Variants in RNF38 observed in about 807,000 individuals in gnomAD.
RNF38 encodes the protein ring finger protein 38.
Under a neutral mutation model 67.2 loss-of-function variants are expected in RNF38, and 15 were observed. The observed-to-expected ratio is 0.22, with a 90% CI of 0.15 to 0.34. The LOEUF (loss-of-function observed/expected upper bound fraction) is 0.34, where lower values mean the gene tolerates loss of function less well. Among genes scored for constraint, RNF38 ranks in the 10% least tolerant of loss-of-function variants. The pLI is 1.00. For synonymous variants in RNF38, 220 were observed against 218.8 expected (o/e 1.01, Z -0.05); for missense variants, 524 against 639.9 (o/e 0.82, Z 1.95).
At chr9:36,431,999 G>A (rs1281675305) in intron 1 of RNF38, among the ~76,000 whole-genome samples, 1 of 152,144 alleles carries the variant, frequency 6.6e-6, no homozygotes, top group Admixed American at 6.5e-5. Flanking sequence ...TCTGTGCCAG[G>A]AATTAGGGAT....
rs552197208 is a variant in RNF38, at chr9:36,380,359, CCTG to C, written c.163-4235_163-4233del. The stretch of plus-strand genomic sequence containing the variant: ...GGATTACAGGCATGCGCCACCACAC[CCTG>C]CTAATTTTGTATTTTTAAGTAGAGA... On this transcript the variant is annotated intron_variant, in intron 2 of 11. Coordinates refer to ENST00000259605, the MANE Select transcript of RNF38 (RefSeq NM_022781.5). Among the ~76,000 whole-genome samples the C allele has an allele frequency of 8.8e-3, 1,345 of 152,204 alleles. 17 individuals carry two copies. The highest frequency in any genetic ancestry group is 0.031 in the African/African-American group (1,292 of 41,510).
chr9:36,482,076 G>T (rs183401108), intron 1 of RNF38, among the ~76,000 whole-genome samples: 1 of 128,174 alleles, frequency 7.8e-6, no homozygotes, highest in East Asian at 2.2e-4. Flanking sequence ...TTTTTGAGAC[G>T]AAGTTTCGCT....
At chr9:36,340,472 C>T (rs1203485501) in intron 11 of RNF38, among the ~76,000 whole-genome samples, 1 of 152,194 alleles carries the variant, frequency 6.6e-6, no homozygotes, top group Non-Finnish European at 1.5e-5. Flanking sequence ...CAGACTTGAA[C>T]TCCTGGGCCT....
At chr9:36,433,828 C>G (rs1218069343) in intron 1 of RNF38, among the ~76,000 whole-genome samples, 2 of 152,050 alleles carry the variant, frequency 1.3e-5, no homozygotes, top group Non-Finnish European at 2.9e-5. Context: ...TGATAACACA[C>G]TATATTGGAG....
At chr9:36,380,431 C>A (rs1836127275) in intron 2 of RNF38, among the ~76,000 whole-genome samples, 1 of 152,032 alleles carries the variant, frequency 6.6e-6, no homozygotes, top group Non-Finnish European at 1.5e-5. Context: ...AACTCCTGAC[C>A]TCAGGTGATC....
Position 36,353,337 on chromosome 9 carries a change from G to C in RNF38, c.910-6C>G. The C allele has an allele frequency of 6.4e-7, 1 of 1,569,986 alleles. No homozygotes were observed. The highest frequency in any genetic ancestry group is 8.6e-7 in the Non-Finnish European group (1 of 1,162,848). On this transcript the variant is annotated splice_region_variant and splice_polypyrimidine_tract_variant and intron_variant, in intron 6 of 11. Transcript: ENST00000259605. ...TTTTCTATCCTTTGCAGAGGCTGAGGAGGGGGAAAAAAAAACACATATATG... is the reference window on the plus strand; with the variant it reads ...TTTTCTATCCTTTGCAGAGGCTGAGCAGGGGGAAAAAAAAACACATATATG...
At chr9:36,444,451 C>T (rs1839258144) in intron 1 of RNF38, among the ~76,000 whole-genome samples, 1 of 152,088 alleles carries the variant, frequency 6.6e-6, no homozygotes, top group South Asian at 2.1e-4. Flanking sequence ...CACTTGTACC[C>T]TGGAACTTAA....
Position 36,377,401 on chromosome 9 carries a change from ATTAT to A in RNF38, c.163-1278_163-1275del, listed in dbSNP as rs544253870. On this transcript the variant is annotated intron_variant, in intron 2 of 11. Coordinates refer to ENST00000259605, the MANE Select transcript of RNF38 (RefSeq NM_022781.5). ...TAAATAAGCATATAAATCAGAACTG[ATTAT>A]TTAAGCTGAAAGGAATGAAGCAAAT... Among the ~76,000 whole-genome samples the A allele has an allele frequency of 5.7e-4, 87 of 152,350 alleles. 1 individual carries two copies. The highest frequency in any genetic ancestry group is 3.1e-3 in the Admixed American group (47 of 15,296).
At chr9:36,436,957 G>A (rs1389069448) in intron 1 of RNF38, among the ~76,000 whole-genome samples, 8 of 152,098 alleles carry the variant, frequency 5.3e-5, no homozygotes, top group Non-Finnish European at 1.2e-4. Flanking sequence ...CTAAAACAGA[G>A]AAGGCAGTTT....
At chr9:36,480,104 G>A (rs1164600590) in intron 1 of RNF38, among the ~76,000 whole-genome samples, 8 of 151,850 alleles carry the variant, frequency 5.3e-5, no homozygotes, top group Middle Eastern at 3.2e-3. Flanking sequence ...TCAGCCTCCC[G>A]AGTAGCTGGG....
At chr9:36,349,187 G>T (rs1833519367) in intron 9 of RNF38, among the ~76,000 whole-genome samples, 1 of 152,236 alleles carries the variant, frequency 6.6e-6, no homozygotes, top group South Asian at 2.1e-4. Context: ...CAAGTGCTCT[G>T]ATGAAGATGT....
intron 1 of RNF38, among the ~76,000 whole-genome samples, chr9:36,448,820 A>G (rs769184620): frequency 6.6e-6 from 1 of 151,956 alleles, no homozygotes; most frequent in Non-Finnish European, 1.5e-5. Context: ...TCTGGCCAAC[A>G]TGGTGAAACC....
intron 1 of RNF38, among the ~76,000 whole-genome samples, chr9:36,448,229 G>T (rs183865199): frequency 9.2e-5 from 14 of 152,270 alleles, no homozygotes; most frequent in Non-Finnish European, 1.3e-4. Flanking sequence ...TATTCATTGT[G>T]ATAAACTATA....
At chr9:36,443,800 C>A (rs568018692) in intron 1 of RNF38, among the ~76,000 whole-genome samples, 1 of 152,162 alleles carries the variant, frequency 6.6e-6, no homozygotes, top group African/African-American at 2.4e-5. Context: ...TCAGGGAGAG[C>A]GAGTGGAGAG....
In RNF38 at chr9:36,338,593, G is replaced by GT. The variant is rs1832613155; in HGVS notation, c.*1158dup. ...AATAGAGTTTTCTTAAAACAATTGA[G>GT]TTGCCCACAGGAGCTTGAACACAGA... On this transcript the variant is annotated 3_prime_UTR_variant, in exon 12 of 12. Coordinates refer to ENST00000259605, the MANE Select transcript of RNF38 (RefSeq NM_022781.5). 6.6e-6 allele frequency: 1 copy of GT among 152,232 alleles called. No individual in the cohort carries two copies. 9.4% of individuals were successfully genotyped at this position (152,232 alleles called of 1,614,324 possible).
intron 11 of RNF38, among the ~76,000 whole-genome samples, chr9:36,340,495 T>C (rs1463071073): frequency 2.0e-5 from 3 of 152,296 alleles, no homozygotes; most frequent in South Asian, 2.1e-4. Flanking sequence ...GTGATCCTCC[T>C]GCTTCAGCTT....
At position 36,358,251 on chromosome 9, in the gene RNF38, G is replaced by A. The variant is rs188218023; in HGVS notation, c.571-309C>T. ...CTATAAAGGCAGAATAAAAAGAACT[G>A]GAATCATTAAAGCTTGTATCTTCCA... On this transcript the variant is annotated intron_variant, in intron 4 of 11. Coordinates refer to ENST00000259605, the MANE Select transcript of RNF38 (RefSeq NM_022781.5). Among the ~76,000 whole-genome samples the A allele has an allele frequency of 5.9e-5, 9 of 152,074 alleles. No homozygotes were observed. The East Asian group carries it at 1.7e-3, about 29-fold the overall frequency.
chr9:36,404,886 C>A (rs887757523), upstream of RNF38, among the ~76,000 whole-genome samples: 1 of 151,192 alleles, frequency 6.6e-6, no homozygotes. Flanking sequence ...GAAAAACTGT[C>A]GACATTTAAG....
At chr9:36,464,832 T>A (rs1839822902) in intron 1 of RNF38, among the ~76,000 whole-genome samples, 1 of 152,108 alleles carries the variant, frequency 6.6e-6, no homozygotes, top group South Asian at 2.1e-4. Flanking sequence ...ATGTAATATA[T>A]AAAGATAACA....
Sources: allele counts gnomAD v4.1 joint callset (sites outside exome capture counted in the v4.1 genomes callset), GRCh38; gene constraint gnomAD v4.1.1; transcripts MANE v1.5; gene names NCBI Gene and HGNC (gene_info 2026-07-23, HGNC 2026-07-21).